The following AKAP13 variants were observed in gnomAD, a reference collection of about 807,000 sequenced individuals.
The protein encoded by AKAP13 is A-kinase anchor protein 13.
A neutral mutation model predicts 264.5 loss-of-function variants in AKAP13; 80 were observed. That is an observed-to-expected ratio of 0.30 (90% CI 0.25 to 0.36). The LOEUF (loss-of-function observed/expected upper bound fraction) is 0.36, where lower values mean the gene tolerates loss of function less well. AKAP13 is among the 10% of genes least tolerant of loss of function. AKAP13 has a pLI of 1.00. For missense variants in AKAP13, 3,712 were observed against 3,435.2 expected, an observed-to-expected ratio of 1.08 and a Z score of -2.01; for synonymous variants, 1,380 against 1,250.2, an observed-to-expected ratio of 1.10 and a Z score of -2.19.
chr15:85,547,604 G>T (rs1345906774), intron 5 of AKAP13, among the ~76,000 whole-genome samples: 1 of 152,056 alleles, frequency 6.6e-6, no homozygotes, highest in Non-Finnish European at 1.5e-5. Flanking sequence ...ACTTTGTTCA[G>T]TGTTAGGGAA....
intron 3 of AKAP13, among the ~76,000 whole-genome samples, chr15:85,531,661 T>A (rs540797783): frequency 6.6e-6 from 1 of 152,352 alleles, no homozygotes; most frequent in East Asian, 1.9e-4. Flanking sequence ...TATTATAAAG[T>A]GTGCATGCAT....
At chr15:85,539,291 C>G (rs890974456) in intron 4 of AKAP13, among the ~76,000 whole-genome samples, 1 of 152,168 alleles carries the variant, frequency 6.6e-6, no homozygotes, top group African/African-American at 2.4e-5. Context: ...TTTGTTGCCT[C>G]TGAAACCTTG....
chr15:85,603,053 A>C (rs970078034), intron 8 of AKAP13, among the ~76,000 whole-genome samples: 1 of 152,226 alleles, frequency 6.6e-6, no homozygotes, highest in Admixed American at 6.5e-5. Flanking sequence ...TTTATCAACT[A>C]TAAATACTGT....
chr15:85,533,783 G>C lies in AKAP13; in HGVS notation c.381G>C (p.Gly127=), dbSNP rs770977583. 2 of 1,613,740 alleles carry C rather than the reference G, an allele frequency of 1.2e-6. No homozygotes were observed. The highest frequency in any genetic ancestry group is 2.7e-5 in the African/African-American group (2 of 74,914). The change falls in exon 4 of 37, where the codon GGG becomes GGC. Residue 127 remains glycine, a synonymous_variant. Transcript: ENST00000394518. Reference sequence around the variant, plus strand: ...TTGACCAGTCAGGACCCCCATCTGGGGATGTGAATTCCCTTGATAAGAAGT... The same window carrying C: ...TTGACCAGTCAGGACCCCCATCTGGCGATGTGAATTCCCTTGATAAGAAGT... ...RFLDQSGPPS[G]DVNSLDKKLV... is the part of the protein sequence containing the mutation.
At chr15:85,382,393 C>T (rs1267533453) in intron 1 of AKAP13, among the ~76,000 whole-genome samples, 1 of 152,176 alleles carries the variant, frequency 6.6e-6, no homozygotes, top group African/African-American at 2.4e-5. Context: ...AAATTTTCTT[C>T]AGGTACAGCC....
intron 26 of AKAP13, 150 bp downstream of exon 26, chr15:85,723,470 A>G: frequency 8.7e-7 from 1 of 1,145,008 alleles, no homozygotes; most frequent in Non-Finnish European, 1.2e-6. Context: ...AGTTCTTCGT[A>G]ATCTTATATC....
At chr15:85,455,522 C>T (rs988662767) in intron 1 of AKAP13, among the ~76,000 whole-genome samples, 2 of 151,972 alleles carry the variant, frequency 1.3e-5, no homozygotes, top group African/African-American at 4.8e-5. Flanking sequence ...GCCACCATGA[C>T]GTCTCAACTC....
At chr15:85,589,085 C>T (rs1158514561) in intron 8 of AKAP13, among the ~76,000 whole-genome samples, 2 of 152,132 alleles carry the variant, frequency 1.3e-5, no homozygotes, top group Non-Finnish European at 2.9e-5. Flanking sequence ...CTACTTAACT[C>T]TTCTCCGTGG....
rs1472878182 is a variant in AKAP13, at chr15:85,580,966, A to G, written c.2898A>G (p.Lys966=). Residue 966 remains lysine, a synonymous_variant, in exon 7 of 37, where the codon AAA becomes AAG. Transcript: ENST00000394518. ...AAGATACTCAACAATTTCATGAAAA[A>G]TCAATCTCAGCTGACTGTGCCAAGG... ...PGQDTQQFHE[K]SISADCAKDK... is the part of the protein sequence containing the mutation. The G allele has an allele frequency of 1.6e-5, 26 of 1,614,142 alleles. No homozygotes were observed. Among genetic ancestry groups the G allele is most frequent in the Non-Finnish European group, 2.2e-5 (26 of 1,180,010 alleles).
At chr15:85,585,487 G>T (rs1371181241) in intron 7 of AKAP13, among the ~76,000 whole-genome samples, 2 of 152,194 alleles carry the variant, frequency 1.3e-5, no homozygotes, top group Non-Finnish European at 2.9e-5. Flanking sequence ...AGTTCCAAGC[G>T]CCTACAAAGG....
At chr15:85,576,299 T>C (rs2079011219) in intron 6 of AKAP13, among the ~76,000 whole-genome samples, 1 of 152,152 alleles carries the variant, frequency 6.6e-6, no homozygotes, top group Admixed American at 6.5e-5. Context: ...ATCAGGAGTA[T>C]TTTTACAACT....
intron 1 of AKAP13, among the ~76,000 whole-genome samples, chr15:85,397,933 C>T (rs570603010): frequency 1.3e-5 from 2 of 152,292 alleles, no homozygotes; most frequent in South Asian, 2.1e-4. Flanking sequence ...ACTCTACAAA[C>T]CCTTGTCTCA....
intron 1 of AKAP13, among the ~76,000 whole-genome samples, chr15:85,440,500 T>C (rs1428550637): frequency 6.6e-6 from 1 of 152,204 alleles, no homozygotes; most frequent in Non-Finnish European, 1.5e-5. Context: ...AACAGGCCGA[T>C]GAAAAAGAGC....
intron 17 of AKAP13, among the ~76,000 whole-genome samples, chr15:85,694,487 G>T (rs1443650271): frequency 1.3e-5 from 2 of 152,138 alleles, no homozygotes; most frequent in African/African-American, 4.8e-5. Context: ...ACTGAAATTT[G>T]AATTTCATAA....
At chr15:85,571,807 A>C (rs2078827845) in intron 5 of AKAP13, among the ~76,000 whole-genome samples, 1 of 152,204 alleles carries the variant, frequency 6.6e-6, no homozygotes, top group Non-Finnish European at 1.5e-5. Flanking sequence ...AGGCGAAATG[A>C]GTTTGGAAGA....
intron 1 of AKAP13, among the ~76,000 whole-genome samples, chr15:85,424,450 A>G (rs977289772): frequency 6.6e-6 from 1 of 151,998 alleles, no homozygotes; most frequent in Non-Finnish European, 1.5e-5. Context: ...CAGCTTCTTC[A>G]CCTGTCTCAG....
intron 1 of AKAP13, among the ~76,000 whole-genome samples, chr15:85,470,085 C>T (rs796189749): frequency 5.3e-5 from 8 of 152,218 alleles, no homozygotes; most frequent in South Asian, 2.1e-4. Flanking sequence ...GTCAGGAGTT[C>T]GAGACCAGCC....
chr15:85,443,325 G>A lies in AKAP13; in HGVS notation c.-11-42385G>A, dbSNP rs1223875719. On this transcript the variant is annotated intron_variant, in intron 1 of 36. Coordinates refer to ENST00000394518, the MANE Select transcript of AKAP13 (RefSeq NM_007200.5). ...AGCTGAATAAAAAGATAAAGTGAGA[G>A]AGCTTAGAGTTTTAATAGGGAACAT... 2.6e-5 allele frequency among the ~76,000 whole-genome samples: 4 copies of A among 152,156 alleles called. No individual in the cohort carries two copies. In the East Asian group the frequency reaches 7.7e-4, roughly 29 times the overall value.
chr15:85,491,607 T>C (rs2075730814), intron 2 of AKAP13, among the ~76,000 whole-genome samples: 2 of 150,594 alleles, frequency 1.3e-5, no homozygotes, highest in Admixed American at 1.3e-4. Flanking sequence ...TTCTTTGTTT[T>C]TATATTGTTT....
Sources: allele counts gnomAD v4.1 joint callset (sites outside exome capture counted in the v4.1 genomes callset), GRCh38; gene constraint gnomAD v4.1.1; transcripts MANE v1.5; gene names NCBI Gene and HGNC (gene_info 2026-07-23, HGNC 2026-07-21).